The following TPP2 variants were observed in gnomAD, a reference collection of about 807,000 sequenced individuals.
TPP2 encodes tripeptidyl peptidase 2.
In TPP2, 34 loss-of-function variants were observed where a neutral mutation model predicts 155.9. That is an observed-to-expected ratio of 0.22 (90% CI 0.17 to 0.29). The LOEUF (loss-of-function observed/expected upper bound fraction) is 0.29, where lower values mean the gene tolerates loss of function less well. Among genes scored for constraint, TPP2 ranks in the 10% least tolerant of loss-of-function variants. The pLI, the probability that TPP2 is intolerant of heterozygous loss-of-function variation, is 1.00. For synonymous variants in TPP2, 510 were observed against 529.4 expected, an observed-to-expected ratio of 0.96 and a Z score of 0.50; for missense variants, 1,028 against 1,522.3, an observed-to-expected ratio of 0.68 and a Z score of 5.40.
chr13:102,642,794 A>G (rs777901327), intron 16 of TPP2, among the ~76,000 whole-genome samples: 4 of 152,234 alleles, frequency 2.6e-5, no homozygotes, highest in Non-Finnish European at 5.9e-5. Context: ...AGGAAAAGTT[A>G]TCAATGAGGA....
intron 27 of TPP2, among the ~76,000 whole-genome samples, chr13:102,667,190 A>G (rs1191752065): frequency 8.1e-6 from 1 of 124,004 alleles, no homozygotes; most frequent in African/African-American, 3.1e-5. Context: ...CAAAAATTGT[A>G]AAATGCCATT....
chr13:102,653,437 G>T (rs967744083), intron 24 of TPP2, among the ~76,000 whole-genome samples: 82 of 152,150 alleles, frequency 5.4e-4, no homozygotes, highest in Non-Finnish European at 1.0e-4. Flanking sequence ...CTACACTCCA[G>T]GCTAGAGTAC....
Position 102,649,109 on chromosome 13 carries a change from A to C in TPP2, c.2831A>C (p.Lys944Thr). Reference sequence around the variant, plus strand: ...TCAAGCAATTTGACATTACCACCCAAATATAACCAGCCATTCTTTGTTACT... The same window carrying C: ...TCAAGCAATTTGACATTACCACCCACATATAACCAGCCATTCTTTGTTACT... ...KKSSNLTLPP[K>T]YNQPFFVTSL... The change falls in exon 22 of 30, where the codon AAA becomes ACA. Residue 944 changes from lysine (K) to threonine (T), a missense_variant. Transcript: ENST00000376052. 1 of 1,612,140 alleles carries C rather than the reference A, an allele frequency of 6.2e-7. No individual in the cohort carries two copies. The highest frequency in any genetic ancestry group is 8.5e-7 in the Non-Finnish European group (1 of 1,179,378).
chr13:102,677,718 C>T (rs1885373722), intron 29 of TPP2, among the ~76,000 whole-genome samples: 1 of 152,222 alleles, frequency 6.6e-6, no homozygotes, highest in Non-Finnish European at 1.5e-5. Flanking sequence ...TCTTAACCAT[C>T]TAACTCCCCA....
chr13:102,644,759 A>T lies in TPP2; in HGVS notation c.2292+86A>T, dbSNP rs1016391696. 24 of 1,422,820 alleles carry T rather than the reference A, an allele frequency of 1.7e-5. No homozygotes were observed. In the African/African-American group the frequency reaches 3.1e-4, roughly 19 times the overall value. The allele number at this position is 1,422,820 out of a possible 1,614,324, so 88.1% of individuals were successfully genotyped here. On this transcript the variant is annotated intron_variant, in intron 18 of 29. Coordinates refer to ENST00000376052, the MANE Select transcript of TPP2 (RefSeq NM_001330588.2). Reference sequence around the variant, plus strand: ...CTTCATTGGTTAGATTTAAACTTTAATGAGGGGAAATTACCTGTGGTTCTG... The same window carrying T: ...CTTCATTGGTTAGATTTAAACTTTATTGAGGGGAAATTACCTGTGGTTCTG...
rs1595121934 is a variant in TPP2 at position 102,598,577 on chromosome 13, G to C, written c.165+1374G>C. Among the ~76,000 whole-genome samples, 4 of 152,328 alleles carry C rather than the reference G, an allele frequency of 2.6e-5. No homozygotes were observed. The South Asian group carries it at 8.3e-4, about 32-fold the overall frequency. On this transcript the variant is annotated intron_variant, in intron 1 of 29. Coordinates refer to ENST00000376052, the MANE Select transcript of TPP2 (RefSeq NM_001330588.2). ...AACTTAAAGACTTAGAACAATGACA[G>C]CTATCAACTCATTTGGGGCTTTATT...
At chr13:102,673,983 T>A (rs1885148829) in intron 27 of TPP2, among the ~76,000 whole-genome samples, 1 of 152,202 alleles carries the variant, frequency 6.6e-6, no homozygotes, top group African/African-American at 2.4e-5. Flanking sequence ...TTAAGAGTTA[T>A]ATAGCTAAAA....
At chr13:102,614,237 C>A (rs1880545131) in intron 3 of TPP2, 41 bp downstream of exon 3, 2 of 1,445,798 alleles carry the variant, frequency 1.4e-6, no homozygotes, top group Admixed American at 2.1e-5. Flanking sequence ...ATTCTTCTGA[C>A]TTGTCTTCTT....
intron 5 of TPP2, among the ~76,000 whole-genome samples, chr13:102,621,540 G>A (rs1450863371): frequency 6.6e-6 from 1 of 152,190 alleles, no homozygotes; most frequent in South Asian, 2.1e-4. Context: ...GAAGTTTGGT[G>A]TGGCCACAGA....
chr13:102,640,502 A>G (rs1019793654), intron 16 of TPP2, 126 bp downstream of exon 16: 2 of 696,628 alleles, frequency 2.9e-6, no homozygotes, highest in Non-Finnish European at 4.7e-6. Flanking sequence ...TGGGTACCTT[A>G]GACTTTCTGT....
At chr13:102,654,810 A>T (rs1046668167) in intron 24 of TPP2, 1 of 383,898 alleles carries the variant, frequency 2.6e-6, no homozygotes, top group African/African-American at 2.1e-5. Flanking sequence ...TGTACAGATG[A>T]CACTGATGCA....
intron 24 of TPP2, among the ~76,000 whole-genome samples, chr13:102,653,251 A>G (rs1004157023): frequency 1.3e-5 from 2 of 152,232 alleles, no homozygotes; most frequent in African/African-American, 2.4e-5. Context: ...AAATACATGT[A>G]TAATTTCCGG....
At chr13:102,629,368 A>G (rs1254188701) in intron 8 of TPP2, 114 bp from the exon 9 acceptor site, 5 of 1,217,758 alleles carry the variant, frequency 4.1e-6, no homozygotes, top group Non-Finnish European at 5.4e-6. Context: ...ATGTTCCACC[A>G]AGGGTGGATG....
chr13:102,615,968 T>TC (rs397765472), intron 3 of TPP2, among the ~76,000 whole-genome samples: 28 of 147,052 alleles, frequency 1.9e-4, no homozygotes, highest in African/African-American at 6.4e-4. Flanking sequence ...TTTTTTTTTT[T>TC]CTCTTTGAGA....
intron 15 of TPP2, among the ~76,000 whole-genome samples, chr13:102,638,705 T>C (rs1380152946): frequency 6.6e-6 from 1 of 152,246 alleles, no homozygotes; most frequent in Non-Finnish European, 1.5e-5. Context: ...TACTCTCTTC[T>C]CTTAATGCTT....
chr13:102,635,742 T>A lies in TPP2; in HGVS notation c.1509+40T>A, dbSNP rs183440424. 1.3e-4 allele frequency: 187 copies of A among 1,412,934 alleles called. 1 individual carries two copies. The African/African-American group carries it at 2.3e-3, about 18-fold the overall frequency. The allele number at this position is 1,412,934 out of a possible 1,614,324, so 87.5% of individuals were successfully genotyped here. On this transcript the variant is annotated intron_variant, in intron 12 of 29. Transcript: ENST00000376052. The stretch of plus-strand genomic sequence containing the variant: ...ATGAAAAATGGGTTGTAAAGCATCA[T>A]TGAGATAATATCTTAGATATTATTG...
intron 9 of TPP2, 82 bp downstream of exon 9, chr13:102,629,691 C>G: frequency 1.4e-6 from 2 of 1,477,652 alleles, no homozygotes; most frequent in South Asian, 1.5e-5. Flanking sequence ...ACCTGTATCT[C>G]TGCTACACGT....
In TPP2 at chr13:102,643,348, G is replaced by C; in HGVS notation, c.2147G>C (p.Gly716Ala). The C allele has an allele frequency of 6.2e-7, 1 of 1,608,372 alleles. No individual in the cohort carries two copies. Among genetic ancestry groups the C allele is most frequent in the Non-Finnish European group, 8.5e-7 (1 of 1,178,350 alleles). ...FYKFCSLPEK[G>A]TLTEAFPVLG... ...AAGTTTTGTTCTCTTCCAGAGAAAG[G>C]AACACTGACTGAAGCTTTTCCTGTC... The change falls in exon 17 of 30, where the codon GGA becomes GCA. Residue 716 changes from glycine to alanine, a missense_variant. By Grantham distance (60) the Gly-to-Ala change is moderately conservative (BLOSUM62 0). Transcript: ENST00000376052.
chr13:102,679,654 A>G lies in TPP2; in HGVS notation c.*1338A>G, dbSNP rs1401021757. On this transcript the variant is annotated 3_prime_UTR_variant, in exon 30 of 30. Transcript: ENST00000376052. ...CTGGGCTAGCTAGGGTCCAAAGTCTATCCATGAAAGCTACATGCATGTTCT... is the reference window on the plus strand; with the variant it reads ...CTGGGCTAGCTAGGGTCCAAAGTCTGTCCATGAAAGCTACATGCATGTTCT... 6.6e-6 allele frequency: 1 copy of G among 152,226 alleles called. No homozygotes were observed. The allele number at this position is 152,226 out of a possible 1,614,324, so 9.4% of individuals were successfully genotyped here.
Sources: allele counts gnomAD v4.1 joint callset (sites outside exome capture counted in the v4.1 genomes callset), GRCh38; gene constraint gnomAD v4.1.1; transcripts MANE v1.5; gene names NCBI Gene and HGNC (gene_info 2026-07-23, HGNC 2026-07-21).